Variants in HAPLN1 observed in about 807,000 individuals in gnomAD.
The protein encoded by HAPLN1 is hyaluronan and proteoglycan link protein 1, also known as Cartilage link protein.
Under a neutral mutation model 36.5 loss-of-function variants are expected in HAPLN1, and 13 were observed. That is an observed-to-expected ratio of 0.36 (90% CI 0.23 to 0.57). HAPLN1 has a LOEUF of 0.57. Ranked by LOEUF, HAPLN1 falls within the 20% of genes least tolerant of loss-of-function variation. The pLI is 0.83. For synonymous variants in HAPLN1, 202 were observed against 169.8 expected (o/e 1.19, Z -1.48); for missense variants, 407 against 439.7 (o/e 0.93, Z 0.66).
In HAPLN1 at chr5:83,652,593, C is replaced by T; in HGVS notation, c.332G>A (p.Arg111Lys). The change falls in exon 3 of 5, where the codon AGA (arginine) becomes AAA (lysine). Residue 111 changes from arginine to lysine, a missense_variant. Transcript: ENST00000274341. ...ATCACTGCCTCCCTTCAGAAACACT[C>T]TACCCTGGTAGCCTCCATAGGTTTT... ...HKKTYGGYQG[R>K]VFLKGGSDSD... 6.2e-7 allele frequency: 1 copy of T among 1,614,202 alleles called. No individual in the cohort carries two copies. Among genetic ancestry groups the T allele is most frequent in the Non-Finnish European group, 8.5e-7 (1 of 1,180,014 alleles).
At chr5:83,713,506 T>C (rs776695895) in intron 1 of HAPLN1, among the ~76,000 whole-genome samples, 1 of 152,204 alleles carries the variant, frequency 6.6e-6, no homozygotes, top group Non-Finnish European at 1.5e-5. Context: ...AGTATATCCC[T>C]GGGATGATCG....
At chr5:83,643,466 C>T (rs1749764549) in intron 4 of HAPLN1, among the ~76,000 whole-genome samples, 1 of 151,940 alleles carries the variant, frequency 6.6e-6, no homozygotes, top group Admixed American at 6.5e-5. Flanking sequence ...CCAGGGCTTG[C>T]TTCATGGGTG....
At chr5:83,703,478 T>A (rs748570689) in intron 1 of HAPLN1, 17 of 152,150 alleles carry the variant, frequency 1.1e-4, no homozygotes, top group Non-Finnish European at 1.5e-4. Context: ...CACACTAAAA[T>A]TGGAATGATT....
intron 3 of HAPLN1, among the ~76,000 whole-genome samples, chr5:83,650,877 G>A (rs573272171): frequency 1.3e-4 from 19 of 151,822 alleles, no homozygotes; most frequent in African/African-American, 3.6e-4. Flanking sequence ...CTTGTGATCC[G>A]CCAAAAATTA....
At chr5:83,696,896 G>A (rs1405395926) in intron 1 of HAPLN1, among the ~76,000 whole-genome samples, 1 of 152,126 alleles carries the variant, frequency 6.6e-6, no homozygotes, top group Non-Finnish European at 1.5e-5. Flanking sequence ...AAAAACTAAT[G>A]TAATTTGTAT....
rs976057557 is a variant in HAPLN1 at position 83,641,005 on chromosome 5, G to C, written c.*491C>G. ...AAATATTAACTTTTAGAAAGGTATAGATTGTTCCCTTGTGAAACTGAGTTT... is the reference window on the plus strand; with the variant it reads ...AAATATTAACTTTTAGAAAGGTATACATTGTTCCCTTGTGAAACTGAGTTT... On this transcript the variant is annotated 3_prime_UTR_variant, in exon 5 of 5. Transcript: ENST00000274341. 2 of 151,490 alleles carry C rather than the reference G, an allele frequency of 1.3e-5. No homozygotes were observed. The highest frequency in any genetic ancestry group is 1.3e-4 in the Admixed American group (2 of 15,140). The allele number at this position is 151,490 out of a possible 1,614,324, so 9.4% of individuals were successfully genotyped here. A position where few individuals can be genotyped will look rare whatever the true frequency, so the allele number is the denominator to read the frequency against.
intron 1 of HAPLN1, among the ~76,000 whole-genome samples, chr5:83,718,059 C>T (rs984031553): frequency 7.2e-5 from 11 of 152,148 alleles, no homozygotes; most frequent in Admixed American, 1.3e-4. Flanking sequence ...AAACTCTTTC[C>T]ACCAGTCCTT....
chr5:83,652,902 CATA>C, intron 2 of HAPLN1, 78 bp from the exon 3 acceptor site: 1 of 1,279,228 alleles, frequency 7.8e-7, no homozygotes, highest in Middle Eastern at 2.5e-4. Flanking sequence ...AAATATATCA[CATA>C]TATAGGATAT....
At chr5:83,701,775 T>TAAAAGTAG in intron 1 of HAPLN1, among the ~76,000 whole-genome samples, 1 of 152,134 alleles carries the variant, frequency 6.6e-6, no homozygotes, top group East Asian at 1.9e-4. Context: ...CCGTCTCTAC[T>TAAAAGTAG]AAAAGTACAA....
At chr5:83,675,441 T>G (rs1750836373) in intron 1 of HAPLN1, 1 of 152,134 alleles carries the variant, frequency 6.6e-6, no homozygotes, top group Non-Finnish European at 1.5e-5. Context: ...GTTTGCTAAA[T>G]TAATGTTCAC....
intron 1 of HAPLN1, among the ~76,000 whole-genome samples, chr5:83,689,341 G>A (rs865893071): frequency 6.6e-6 from 1 of 152,020 alleles, no homozygotes; most frequent in South Asian, 2.1e-4. Flanking sequence ...GAAAATCAGA[G>A]TTATGAACAT....
intron 4 of HAPLN1, among the ~76,000 whole-genome samples, chr5:83,642,755 G>A (rs143372968): frequency 6.6e-6 from 1 of 152,282 alleles, no homozygotes; most frequent in African/African-American, 2.4e-5. Context: ...CTGAGATGAT[G>A]TGATTTGGAG....
chr5:83,671,903 A>G (rs1007180380), intron 2 of HAPLN1, among the ~76,000 whole-genome samples: 2 of 152,228 alleles, frequency 1.3e-5, no homozygotes, highest in African/African-American at 4.8e-5. Context: ...AATCTGGATA[A>G]TCCTGATACT....
At chr5:83,694,022 T>G (rs1751336604) in intron 1 of HAPLN1, among the ~76,000 whole-genome samples, 1 of 151,886 alleles carries the variant, frequency 6.6e-6, no homozygotes, top group Non-Finnish European at 1.5e-5. Flanking sequence ...TACCAACCAC[T>G]TACCAAGATA....
chr5:83,670,963 G>C (rs1750701138), intron 2 of HAPLN1, among the ~76,000 whole-genome samples: 1 of 152,008 alleles, frequency 6.6e-6, no homozygotes, highest in African/African-American at 2.4e-5. Context: ...AAAGTGCTGG[G>C]ATTACAGGTA....
rs539804633 is a variant in HAPLN1, at chr5:83,716,456, T to A, written c.-27+4333A>T. 5.9e-4 allele frequency among the ~76,000 whole-genome samples: 90 copies of A among 152,334 alleles called. 1 individual carries two copies. The highest frequency in any genetic ancestry group is 3.9e-4 in the Admixed American group (6 of 15,298). On this transcript the variant is annotated intron_variant, in intron 1 of 4. Transcript: ENST00000274341. Reference sequence around the variant, plus strand: ...ATACCCTGATCTCAGGTGTCACCCCTGTTAAGCCGTAAAACAATCAGTGGA... The same window carrying A: ...ATACCCTGATCTCAGGTGTCACCCCAGTTAAGCCGTAAAACAATCAGTGGA...
chr5:83,639,463 C>T lies in HAPLN1; in HGVS notation c.*2033G>A. Reference sequence around the variant, plus strand: ...GACATAACTGAAAATTAGATGTTTGCTTCAATAGAAATTTGTTCCCACTTG... The same window carrying T: ...GACATAACTGAAAATTAGATGTTTGTTTCAATAGAAATTTGTTCCCACTTG... On this transcript the variant is annotated 3_prime_UTR_variant, in exon 5 of 5. Coordinates refer to ENST00000274341, the MANE Select transcript of HAPLN1 (RefSeq NM_001884.4). The T allele has an allele frequency of 6.6e-6, 1 of 151,958 alleles. No individual in the cohort carries two copies. The highest frequency in any genetic ancestry group is 1.9e-4 in the East Asian group (1 of 5,190). 9.4% of individuals were successfully genotyped at this position (151,958 alleles called of 1,614,324 possible).
chr5:83,716,767 C>G (rs897751477), intron 1 of HAPLN1, among the ~76,000 whole-genome samples: 2 of 152,196 alleles, frequency 1.3e-5, no homozygotes, highest in Non-Finnish European at 2.9e-5. Flanking sequence ...CATGGTAGCT[C>G]ATGCCTGTAA....
At chr5:83,645,322 C>G (rs762527689) in intron 3 of HAPLN1, among the ~76,000 whole-genome samples, 1 of 152,052 alleles carries the variant, frequency 6.6e-6, no homozygotes, top group Admixed American at 6.6e-5. Context: ...AGGGGGGACT[C>G]TTATTTGGAG....
Sources: gnomAD v4.1 joint callset for allele counts (sites outside exome capture counted in the v4.1 genomes callset) on GRCh38, gnomAD v4.1.1 for gene constraint, MANE v1.5 for transcripts, NCBI Gene and HGNC (gene_info 2026-07-23, HGNC 2026-07-21) for gene names.